The following DIP2C variants were observed in gnomAD, a reference collection of about 807,000 sequenced individuals.
DIP2C encodes disco-interacting protein 2 homolog C.
In DIP2C, 33 loss-of-function variants were observed where a neutral mutation model predicts 192.4. The ratio of observed to expected loss-of-function variants is 0.17; its 90% CI spans 0.13 to 0.23. The LOEUF is 0.23. Ranked by LOEUF, DIP2C falls within the 10% of genes least tolerant of loss-of-function variation. The pLI, the probability that DIP2C is intolerant of heterozygous loss-of-function variation, is 1.00. For synonymous variants in DIP2C, 979 were observed against 864.1 expected, an observed-to-expected ratio of 1.13 and a Z score of -2.33; for missense variants, 1,537 against 2,110.1, an observed-to-expected ratio of 0.73 and a Z score of 5.32.
intron 32 of DIP2C, among the ~76,000 whole-genome samples, chr10:299,544 T>C (rs760717722): frequency 2.0e-5 from 3 of 152,268 alleles, no homozygotes; most frequent in Non-Finnish European, 2.9e-5. Context: ...GATAAAACTG[T>C]AGACTGTTAA....
At chr10:325,196 T>C (rs1180163591) in intron 31 of DIP2C, among the ~76,000 whole-genome samples, 2 of 151,794 alleles carry the variant, frequency 1.3e-5, no homozygotes, top group East Asian at 1.9e-4. Flanking sequence ...ACCCAGCAGG[T>C]GGAGCTTGCA....
intron 28 of DIP2C, among the ~76,000 whole-genome samples, chr10:341,874 C>CT (rs1305662846): frequency 6.6e-6 from 1 of 152,182 alleles, no homozygotes; most frequent in Non-Finnish European, 1.5e-5. Context: ...GAGACCCTGT[C>CT]TCTTCAATAA....
chr10:529,257 G>A (rs556002193), intron 1 of DIP2C, among the ~76,000 whole-genome samples: 80 of 152,288 alleles, frequency 5.3e-4, no homozygotes, highest in Admixed American at 1.7e-3. Flanking sequence ...GGGTATTCAC[G>A]TAAAATACTG....
At chr10:650,431 T>C (rs370371589) in intron 1 of DIP2C, 1 of 711,786 alleles carries the variant, frequency 1.4e-6, no homozygotes, top group East Asian at 2.7e-5. Context: ...GCCGACAACA[T>C]CTTCATCTAT....
At chr10:413,774 G>T (rs559009447) in intron 8 of DIP2C, 139 bp downstream of exon 8, 10 of 1,059,640 alleles carry the variant, frequency 9.4e-6, no homozygotes, top group South Asian at 3.4e-5. Flanking sequence ...GAGTGGCTGC[G>T]CGAGGGCGTG....
intron 1 of DIP2C, among the ~76,000 whole-genome samples, chr10:527,137 A>G (rs816635): frequency 0.99 from 150,554 of 152,334 alleles, 74,419 homozygotes; most frequent in East Asian, 1. Flanking sequence ...ACGCCTGCAC[A>G]GCCTTCACCC....
At chr10:429,369 A>G (rs866682396) in intron 4 of DIP2C, among the ~76,000 whole-genome samples, 2 of 10 alleles carry the variant, frequency 0.2, 1 homozygote, top group African/African-American at 0.5. Context: ...TCCCCCCCGG[A>G]CCCTGGCTGC....
chr10:617,659 C>CCT (rs1204040858), intron 1 of DIP2C, among the ~76,000 whole-genome samples: 1 of 150,542 alleles, frequency 6.6e-6, no homozygotes, highest in Non-Finnish European at 1.5e-5. Context: ...GATACCACCC[C>CCT]CCCACCCCCA....
intron 9 of DIP2C, among the ~76,000 whole-genome samples, chr10:404,426 G>T (rs73587884): frequency 0.059 from 8,913 of 152,184 alleles, 308 homozygotes; most frequent in East Asian, 0.15. Flanking sequence ...GGCCAGGCTG[G>T]TCTCAATCTC....
chr10:374,611 C>T (rs1292769580), intron 17 of DIP2C, among the ~76,000 whole-genome samples: 1 of 152,270 alleles, frequency 6.6e-6, no homozygotes, highest in African/African-American at 2.4e-5. Context: ...AGCTGCTCAG[C>T]AGTGCCCATC....
At chr10:367,285 CG>C in intron 18 of DIP2C, among the ~76,000 whole-genome samples, 1 of 152,002 alleles carries the variant, frequency 6.6e-6, no homozygotes, top group Non-Finnish European at 1.5e-5. Context: ...GGCGCAGTGG[CG>C]GGCGCCTGTA....
At chr10:600,039 G>A (rs1851954213) in intron 1 of DIP2C, among the ~76,000 whole-genome samples, 1 of 152,188 alleles carries the variant, frequency 6.6e-6, no homozygotes, top group South Asian at 2.1e-4. Context: ...AAGGAGGTCT[G>A]CACTTCATTC....
intron 25 of DIP2C, 142 bp downstream of exon 25, chr10:349,189 G>C: frequency 1.6e-6 from 2 of 1,228,308 alleles, no homozygotes; most frequent in Non-Finnish European, 2.2e-6. Context: ...CAAACGGGCT[G>C]GTTAGCATCC....
At chr10:571,091 T>A (rs1260053963) in intron 1 of DIP2C, among the ~76,000 whole-genome samples, 1 of 152,220 alleles carries the variant, frequency 6.6e-6, no homozygotes, top group Non-Finnish European at 1.5e-5. Context: ...GATCTGAAGC[T>A]GGCCGACTGC....
intron 1 of DIP2C, among the ~76,000 whole-genome samples, chr10:610,336 G>T (rs1853000194): frequency 6.6e-6 from 1 of 152,176 alleles, no homozygotes; most frequent in South Asian, 2.1e-4. Flanking sequence ...CTGGTAAGGG[G>T]CACAAACACA....
intron 29 of DIP2C, among the ~76,000 whole-genome samples, chr10:334,361 C>T (rs1300508275): frequency 6.7e-6 from 1 of 149,086 alleles, no homozygotes; most frequent in African/African-American, 2.5e-5. Flanking sequence ...AGAAGTGCTT[C>T]ATGAGATTTA....
rs182921766 is a variant in DIP2C at position 649,639 on chromosome 10, T to C, written c.85+39855A>G. 3.6e-4 allele frequency among the ~76,000 whole-genome samples: 55 copies of C among 152,360 alleles called. 2 individuals carry two copies. In the East Asian group the frequency reaches 6.0e-3, roughly 17 times the overall value. On this transcript the variant is annotated intron_variant, in intron 1 of 36. Coordinates refer to ENST00000280886, the MANE Select transcript of DIP2C (RefSeq NM_014974.3). The stretch of plus-strand genomic sequence containing the variant: ...GTCACGTTACAGCAAATGCCATTCA[T>C]TGGGGGAAGTCGGAAGTCAGAACAG...
intron 1 of DIP2C, among the ~76,000 whole-genome samples, chr10:602,805 T>C (rs555968974): frequency 6.6e-6 from 1 of 151,876 alleles, no homozygotes; most frequent in Non-Finnish European, 1.5e-5. Flanking sequence ...AGAACCAGGG[T>C]GTCGATCCTT....
At position 689,557 on chromosome 10, in the gene DIP2C, C is replaced by T. The variant is rs767740660; in HGVS notation, c.22G>A (p.Gly8Ser). Residue 8 changes from glycine to serine, a missense_variant, in exon 1 of 37, where the codon GGC (glycine) becomes AGC (serine). Around this residue, in one of 4 missense-constraint regions of DIP2C, gnomAD observed 473 missense variants for 539.6 expected, o/e 0.88. Coordinates refer to ENST00000280886, the MANE Select transcript of DIP2C (RefSeq NM_014974.3). The surrounding 1 kb of genome is among the most constrained non-coding windows in gnomAD (Gnocchi z 6.1). ...CGCACCTCCAGGGGCAGCGCCATGC[C>T]CTCCAGGCTGCGGTCCGCCATGCTC... Reference protein sequence around the residue: MADRSLEGMALPLEVRAR... With the variant: MADRSLESMALPLEVRAR... 2.4e-6 allele frequency: 3 copies of T among 1,263,552 alleles called. No individual in the cohort carries two copies. The highest frequency in any genetic ancestry group is 3.2e-5 in the African/African-American group (2 of 62,762). 78.3% of individuals were successfully genotyped at this position (1,263,552 alleles called of 1,614,324 possible).
Sources: gnomAD v4.1 joint callset for allele counts (sites outside exome capture counted in the v4.1 genomes callset) on GRCh38, gnomAD v4.1.1 for gene constraint, gnomAD v4.1.1 regional missense constraint, Gnocchi (gnomAD v3.1) non-coding constraint, MANE v1.5 for transcripts, NCBI Gene and HGNC (gene_info 2026-07-23, HGNC 2026-07-21) for gene names.